TRPM7: variants seen among roughly 807,000 people sequenced by gnomAD.
The protein encoded by TRPM7 is transient receptor potential cation channel subfamily M member 7.
In TRPM7, 134 loss-of-function variants were observed where a neutral mutation model predicts 229.7. The ratio of observed to expected loss-of-function variants is 0.58; its 90% CI spans 0.51 to 0.67. The LOEUF (loss-of-function observed/expected upper bound fraction) is 0.67, where lower values mean the gene tolerates loss of function less well. Ranked by LOEUF, TRPM7 falls within the 30% of genes least tolerant of loss-of-function variation. TRPM7 has a pLI of 0.00. For missense variants in TRPM7, 1,901 were observed against 2,210.0 expected, an observed-to-expected ratio of 0.86 and a Z score of 2.80; for synonymous variants, 699 against 715.2, an observed-to-expected ratio of 0.98 and a Z score of 0.36.
rs1335046209 is a variant in TRPM7, at chr15:50,558,377, C to T, written c.*3301G>A. On this transcript the variant is annotated 3_prime_UTR_variant, in exon 39 of 39. Coordinates refer to ENST00000646667, the MANE Select transcript of TRPM7 (RefSeq NM_017672.6). ...TGGGCAACAAGGCTAGACCCCATCT[C>T]TACAAAATATATATTTAAAATTAGT... 1 of 152,202 alleles carries T rather than the reference C, an allele frequency of 6.6e-6. No homozygotes were observed. The highest frequency in any genetic ancestry group is 2.4e-5 in the African/African-American group (1 of 41,412). 9.4% of individuals were successfully genotyped at this position (152,202 alleles called of 1,614,324 possible).
rs375168285 is a variant in TRPM7 at position 50,657,812 on chromosome 15, G to T, written c.91C>A (p.Pro31Thr). The T allele has an allele frequency of 6.2e-7, 1 of 1,611,156 alleles. No individual in the cohort carries two copies. Among genetic ancestry groups the T allele is most frequent in the Non-Finnish European group, 8.5e-7 (1 of 1,178,152 alleles). ...AGTTGCTGACAAATTTGACATCCTG[G>T]AAGGCATCTATTGAACACAAAAAGG... ...PSSKDPHRCL[P>T]GCQICQQLVR... The change falls in exon 3 of 39, where the codon CCA (proline) becomes ACA (threonine). Residue 31 changes from proline (P) to threonine (T), a missense_variant. Coordinates refer to ENST00000646667, the MANE Select transcript of TRPM7 (RefSeq NM_017672.6).
intron 7 of TRPM7, among the ~76,000 whole-genome samples, chr15:50,636,160 T>A (rs1283666898): frequency 1.3e-5 from 2 of 150,884 alleles, no homozygotes; most frequent in Admixed American, 6.6e-5. Flanking sequence ...AAAAAAAAGG[T>A]ATCTGTAGGA....
chr15:50,666,588 G>C (rs1327487638), intron 1 of TRPM7, among the ~76,000 whole-genome samples: 1 of 152,194 alleles, frequency 6.6e-6, no homozygotes, highest in Non-Finnish European at 1.5e-5. Flanking sequence ...CAGATCACCT[G>C]ACGTTGGGAG....
At chr15:50,676,017 G>C (rs1449343697) in intron 1 of TRPM7, among the ~76,000 whole-genome samples, 3 of 152,166 alleles carry the variant, frequency 2.0e-5, no homozygotes, top group African/African-American at 4.8e-5. Context: ...TGTTACTCTG[G>C]TGATTAAACA....
At chr15:50,686,312 G>A (rs2062359270) in intron 1 of TRPM7, among the ~76,000 whole-genome samples, 1 of 152,144 alleles carries the variant, frequency 6.6e-6, no homozygotes, top group Non-Finnish European at 1.5e-5. Context: ...GGGGATTCCC[G>A]CGAAGAGGTG....
At position 50,643,445 on chromosome 15, in the gene TRPM7, G is replaced by C. The variant is rs377025820; in HGVS notation, c.430C>G (p.Gln144Glu). ...KLVISVHGGM[Q>E]KFELHPRIKQ... ...ATTCGTGGGTGAAGCTCAAATTTCTGCATGCCCCCATGTACAGAGATAACA... is the reference window on the plus strand; with the variant it reads ...ATTCGTGGGTGAAGCTCAAATTTCTCCATGCCCCCATGTACAGAGATAACA... Residue 144 changes from glutamine to glutamate, a missense_variant, in exon 5 of 39, where the codon CAG becomes GAG. Physicochemically the swap from Gln to Glu is conservative, Grantham distance 29. This residue lies in a region of TRPM7 where 794 missense variants were observed against 881.9 expected (regional missense o/e 0.90). Coordinates refer to ENST00000646667, the MANE Select transcript of TRPM7 (RefSeq NM_017672.6). 1.9e-6 allele frequency: 3 copies of C among 1,614,026 alleles called. No homozygotes were observed. In the African/African-American group the frequency reaches 4.0e-5, roughly 22 times the overall value.
chr15:50,623,954 T>C (rs143056690), intron 12 of TRPM7, among the ~76,000 whole-genome samples: 1 of 152,236 alleles, frequency 6.6e-6, no homozygotes, highest in Non-Finnish European at 1.5e-5. Context: ...TTAATAGCCC[T>C]ATGTGGTTAT....
At chr15:50,608,221 G>A (rs2059973588) in intron 19 of TRPM7, among the ~76,000 whole-genome samples, 2 of 152,090 alleles carry the variant, frequency 1.3e-5, no homozygotes, top group South Asian at 4.1e-4. Context: ...GCCCACCTTT[G>A]ATACTCTTTA....
chr15:50,650,794 T>A (rs1311114333), intron 3 of TRPM7, among the ~76,000 whole-genome samples: 1 of 152,060 alleles, frequency 6.6e-6, no homozygotes, highest in East Asian at 1.9e-4. Flanking sequence ...TCCAAAGTAA[T>A]CTAATTGCAT....
In TRPM7 at chr15:50,592,084, A is replaced by C. The variant is rs1566968978; in HGVS notation, c.4151T>G (p.Leu1384Ter). Residue 1384 changes from leucine to a stop codon, truncating the protein, a stop_gained, in exon 26 of 39, where the codon TTA (leucine) becomes TGA (stop). Coordinates refer to ENST00000646667, the MANE Select transcript of TRPM7 (RefSeq NM_017672.6). LOFTEE classifies it high-confidence loss of function. The stretch of plus-strand genomic sequence containing the variant: ...TGGTATGCTAGTAGATGAACTGCCT[A>C]ATTTTTGATTTTTATTAAATATTTT... Reference protein sequence around the residue: ...LLKIFNKNQKLGSSSTSIPHL... With the variant: ...LLKIFNKNQK 1 of 1,611,054 alleles carries C rather than the reference A, an allele frequency of 6.2e-7. No individual in the cohort carries two copies. The highest frequency in any genetic ancestry group is 8.5e-7 in the Non-Finnish European group (1 of 1,179,322).
At chr15:50,662,356 T>C (rs1454093147) in intron 2 of TRPM7, among the ~76,000 whole-genome samples, 1 of 151,968 alleles carries the variant, frequency 6.6e-6, no homozygotes, top group Admixed American at 6.6e-5. Context: ...AAAGAATAAT[T>C]TTGGCAAAAA....
At chr15:50,662,845 T>C (rs566493092) in intron 2 of TRPM7, 122 bp downstream of exon 2, 29 of 745,274 alleles carry the variant, frequency 3.9e-5, no homozygotes, top group Non-Finnish European at 4.7e-5. Context: ...TAACAGTAAT[T>C]ATAAAAAGTA....
intron 29 of TRPM7, among the ~76,000 whole-genome samples, chr15:50,581,259 G>A (rs897086163): frequency 7.9e-5 from 12 of 152,190 alleles, no homozygotes; most frequent in Non-Finnish European, 1.5e-4. Context: ...AGCACTTTGG[G>A]AGGCCGAGGT....
rs752376616 is a variant in TRPM7 at position 50,607,241 on chromosome 15, T to C, written c.2668A>G (p.Ile890Val). The C allele has an allele frequency of 1.2e-6, 2 of 1,611,580 alleles. No homozygotes were observed. The highest frequency in any genetic ancestry group is 1.7e-6 in the Non-Finnish European group (2 of 1,178,846). ...ATGGCATAAGTAAAAATATAAGCAATAACAATCCATTCTTGAACTGAAGGT... is the reference window on the plus strand; with the variant it reads ...ATGGCATAAGTAAAAATATAAGCAACAACAATCCATTCTTGAACTGAAGGT... ...QLPSVQEWIVIAYIFTYAIEK... is the reference protein window; with the variant it reads ...QLPSVQEWIVVAYIFTYAIEK... The change falls in exon 20 of 39, where the codon ATT (isoleucine) becomes GTT (valine). Residue 890 changes from isoleucine to valine, a missense_variant. Physicochemically the swap from Ile to Val is conservative, Grantham distance 29 (BLOSUM62 3). This residue lies in a region of TRPM7 where 207 missense variants were observed against 241.5 expected (regional missense o/e 0.86). Coordinates refer to ENST00000646667, the MANE Select transcript of TRPM7 (RefSeq NM_017672.6).
chr15:50,655,292 G>A (rs1567093430), intron 3 of TRPM7, among the ~76,000 whole-genome samples: 1 of 151,672 alleles, frequency 6.6e-6, no homozygotes, highest in Admixed American at 6.6e-5. Flanking sequence ...AATGAGCCAG[G>A]CATGGTGGCA....
At chr15:50,666,000 A>T (rs75838663) in intron 1 of TRPM7, among the ~76,000 whole-genome samples, 2,214 of 152,270 alleles carry the variant, frequency 0.015, 60 homozygotes, top group African/African-American at 0.051. Context: ...CTCAAAAAAT[A>T]ATAATTTAAA....
intron 8 of TRPM7, 113 bp from the exon 9 acceptor site, chr15:50,633,105 A>G: frequency 1.1e-6 from 1 of 873,208 alleles, no homozygotes; most frequent in Non-Finnish European, 1.6e-6. Context: ...TTAATATTAC[A>G]TACTTCACCT....
intron 12 of TRPM7, among the ~76,000 whole-genome samples, chr15:50,620,310 A>AT (rs35661509): frequency 0.098 from 14,280 of 145,988 alleles, 695 homozygotes; most frequent in South Asian, 0.12. Flanking sequence ...ATTTTTTTCA[A>AT]TTTTTTTTTT....
At chr15:50,623,106 T>C (rs954539015) in intron 12 of TRPM7, among the ~76,000 whole-genome samples, 17 of 151,132 alleles carry the variant, frequency 1.1e-4, no homozygotes, top group African/African-American at 4.2e-4. Context: ...TAGCAAATGC[T>C]TTTTTTTAAA....
Sources: gnomAD v4.1 joint callset for allele counts (sites outside exome capture counted in the v4.1 genomes callset) on GRCh38, gnomAD v4.1.1 for gene constraint, gnomAD v4.1.1 regional missense constraint, MANE v1.5 for transcripts, NCBI Gene and HGNC (gene_info 2026-07-23, HGNC 2026-07-21) for gene names.